Variants in MYCBP2 observed in about 807,000 individuals in gnomAD.
MYCBP2 encodes MYC binding protein 2.
A neutral mutation model predicts 525.3 loss-of-function variants in MYCBP2; 120 were observed. The observed-to-expected ratio is 0.23, with a 90% CI of 0.20 to 0.27. The LOEUF is 0.27. Ranked by LOEUF, MYCBP2 falls within the 10% of genes least tolerant of loss-of-function variation. The pLI is 1.00. For synonymous variants in MYCBP2, 1,894 were observed against 1,955.8 expected, an observed-to-expected ratio of 0.97 and a Z score of 0.83; for missense variants, 4,149 against 5,657.1, an observed-to-expected ratio of 0.73 and a Z score of 8.55.
At chr13:77,228,691 TTGTGTG>T (rs34441629) in intron 18 of MYCBP2, among the ~76,000 whole-genome samples, 2,286 of 146,670 alleles carry the variant, frequency 0.016, 45 homozygotes, top group African/African-American at 0.043. Context: ...GATGAATATG[TTGTGTG>T]TGTGTGTGTG....
rs563243869 is a variant in MYCBP2 at position 77,327,050 on chromosome 13, C to A, written c.-275G>T. 4.6e-6 allele frequency: 2 copies of A among 438,118 alleles called. No homozygotes were observed. The highest frequency in any genetic ancestry group is 8.7e-5 in the Admixed American group (2 of 22,882). 27.1% of individuals were successfully genotyped at this position (438,118 alleles called of 1,614,324 possible). ...GTGCCGCCACTGCCGCCGCCACCAC[C>A]GCTACCACCGCCACCACCGCCGGGG... On this transcript the variant is annotated 5_prime_UTR_variant, in exon 1 of 83. Transcript: ENST00000544440.
chr13:77,209,914 C>T (rs1262653640), intron 23 of MYCBP2, among the ~76,000 whole-genome samples: 5 of 152,230 alleles, frequency 3.3e-5, no homozygotes, highest in Admixed American at 1.3e-4. Context: ...TATCCCATTG[C>T]TACCACATGG....
chr13:77,066,144 T>G (rs999056052), intron 71 of MYCBP2, 56 bp from the exon 72 acceptor site: 2 of 1,148,534 alleles, frequency 1.7e-6, no homozygotes, highest in South Asian at 2.6e-5. Context: ...TAGTAACAAA[T>G]GAAAAAGATG....
intron 47 of MYCBP2, among the ~76,000 whole-genome samples, chr13:77,147,157 A>G (rs2055725679): frequency 6.6e-6 from 1 of 152,152 alleles, no homozygotes; most frequent in Admixed American, 6.5e-5. Context: ...AACGTATTGA[A>G]CAACCCAAAA....
chr13:77,064,768 C>A (rs958448040), intron 72 of MYCBP2, 34 bp from the exon 73 acceptor site: 1 of 1,580,342 alleles, frequency 6.3e-7, no homozygotes, highest in Non-Finnish European at 8.6e-7. Flanking sequence ...TAATAAGTGA[C>A]CAGAAATGTA....
At chr13:77,198,920 T>C (rs577110837) in intron 26 of MYCBP2, among the ~76,000 whole-genome samples, 5 of 152,372 alleles carry the variant, frequency 3.3e-5, no homozygotes, top group East Asian at 1.9e-4. Context: ...GACTGAGATA[T>C]AGTCTTTCTT....
intron 67 of MYCBP2, 106 bp downstream of exon 67, chr13:77,077,042 T>G: frequency 6.8e-7 from 1 of 1,469,622 alleles, no homozygotes. Flanking sequence ...TGGGCAACAT[T>G]TATAGCCAGA....
chr13:77,321,059 T>C (rs1303525868), intron 1 of MYCBP2, among the ~76,000 whole-genome samples: 1 of 152,196 alleles, frequency 6.6e-6, no homozygotes, highest in Non-Finnish European at 1.5e-5. Flanking sequence ...CAAATGAACA[T>C]TTAAAGAGGA....
chr13:77,243,691 T>C (rs2069312387), intron 16 of MYCBP2, 115 bp downstream of exon 16: 1 of 870,868 alleles, frequency 1.1e-6, no homozygotes, highest in Non-Finnish European at 1.7e-6. Context: ...CAGTATTGCA[T>C]ACATTAATTA....
At chr13:77,077,638 G>A (rs2042543235) in intron 66 of MYCBP2, 1 of 388,436 alleles carries the variant, frequency 2.6e-6, no homozygotes, top group African/African-American at 2.1e-5. Flanking sequence ...TGGTGGAATT[G>A]AGAATTAAAA....
At chr13:77,147,601 ATGATC>A in intron 47 of MYCBP2, among the ~76,000 whole-genome samples, 1 of 152,210 alleles carries the variant, frequency 6.6e-6, no homozygotes, top group East Asian at 1.9e-4. Context: ...TGAATTAGAA[ATGATC>A]TAGCTGACTT....
chr13:77,065,924 C>T, intron 72 of MYCBP2, 68 bp downstream of exon 72: 2 of 1,095,116 alleles, frequency 1.8e-6, no homozygotes, highest in Non-Finnish European at 2.7e-6. Context: ...ATCAATTCAG[C>T]AGAGTAAGCT....
At chr13:77,125,192 G>T in intron 54 of MYCBP2, 144 bp downstream of exon 54, 1 of 1,001,312 alleles carries the variant, frequency 1.0e-6, no homozygotes, top group South Asian at 1.7e-5. Context: ...AATTTTAACA[G>T]TTGCAAGATT....
rs1341821375 is a variant in MYCBP2 at position 77,327,006 on chromosome 13, G to C, written c.-231C>G. On this transcript the variant is annotated 5_prime_UTR_variant, in exon 1 of 83. Coordinates refer to ENST00000544440, the MANE Select transcript of MYCBP2 (RefSeq NM_015057.5). ...CCGCTCATCTAACCCCGCCACCCCGGGAATGTGAGGAGGAGGCGGTGCCGC... is the reference window on the plus strand; with the variant it reads ...CCGCTCATCTAACCCCGCCACCCCGCGAATGTGAGGAGGAGGCGGTGCCGC... 1 of 445,556 alleles carries C rather than the reference G, an allele frequency of 2.2e-6. No individual in the cohort carries two copies. The highest frequency in any genetic ancestry group is 3.9e-6 in the Non-Finnish European group (1 of 259,386). 27.6% of individuals were successfully genotyped at this position (445,556 alleles called of 1,614,324 possible).
At chr13:77,196,984 G>A (rs1458504637) in intron 26 of MYCBP2, among the ~76,000 whole-genome samples, 3 of 152,222 alleles carry the variant, frequency 2.0e-5, no homozygotes, top group Non-Finnish European at 4.4e-5. Flanking sequence ...CAACCAGCAG[G>A]AGACTAAGAA....
Position 77,197,251 on chromosome 13 carries a change from T to C in MYCBP2, c.3844-3007A>G, listed in dbSNP as rs149654415. 2.4e-3 allele frequency among the ~76,000 whole-genome samples: 366 copies of C among 152,096 alleles called. 5 individuals carry two copies. Among genetic ancestry groups the C allele is most frequent in the African/African-American group, 8.6e-3 (356 of 41,486 alleles). Reference sequence around the variant, plus strand: ...TAAGAGAGAGAATGGAGACAGAAAGTATAGAAAGAATATGTACAGAGACTA... The same window carrying C: ...TAAGAGAGAGAATGGAGACAGAAAGCATAGAAAGAATATGTACAGAGACTA... On this transcript the variant is annotated intron_variant, in intron 26 of 82. Coordinates refer to ENST00000544440, the MANE Select transcript of MYCBP2 (RefSeq NM_015057.5).
intron 26 of MYCBP2, 43 bp from the exon 27 acceptor site, chr13:77,194,287 A>G: frequency 3.0e-6 from 4 of 1,348,718 alleles, no homozygotes; most frequent in Non-Finnish European, 4.3e-6. Flanking sequence ...AATCAGCTAT[A>G]CATATCTGAT....
chr13:77,217,258 C>A (rs761618589), intron 21 of MYCBP2, among the ~76,000 whole-genome samples: 1 of 152,156 alleles, frequency 6.6e-6, no homozygotes, highest in Non-Finnish European at 1.5e-5. Context: ...AGTATTAGCA[C>A]AGTCTCGCAA....
chr13:77,067,859 G>A lies in MYCBP2; in HGVS notation c.12177C>T (p.Thr4059=). ...TASPRVQRQV[T]SLLRRVLPEV... ...CAGGCAAAACTCTTCTTAGTAAAGA[G>A]GTTACCTGGTAAGAAAAATAAAATG... The change falls in exon 71 of 83, where the codon ACC becomes ACT. Residue 4059 remains threonine, a synonymous_variant. Transcript: ENST00000544440. 1 of 1,605,386 alleles carries A rather than the reference G, an allele frequency of 6.2e-7. No individual in the cohort carries two copies. The highest frequency in any genetic ancestry group is 1.1e-5 in the South Asian group (1 of 90,466).
Sources: allele counts gnomAD v4.1 joint callset (sites outside exome capture counted in the v4.1 genomes callset), GRCh38; gene constraint gnomAD v4.1.1; transcripts MANE v1.5; gene names NCBI Gene and HGNC (gene_info 2026-07-23, HGNC 2026-07-21).